Variants in DEUP1 observed in about 807,000 individuals in gnomAD.
DEUP1 encodes the protein deuterosome assembly protein 1, also known as coiled-coil domain containing 67.
Under a neutral mutation model 87.4 loss-of-function variants are expected in DEUP1, and 82 were observed. The ratio of observed to expected loss-of-function variants is 0.94; its 90% CI spans 0.78 to 1.13. The LOEUF (loss-of-function observed/expected upper bound fraction) is 1.13, where lower values mean the gene tolerates loss of function less well. DEUP1 is among the 50% of genes most tolerant of loss of function. The probability of loss-of-function intolerance (pLI) is 0.00; values close to 1 mark genes in which losing one functional copy is unlikely to be tolerated. For missense variants in DEUP1, 663 were observed against 681.5 expected, an observed-to-expected ratio of 0.97 and a Z score of 0.30; for synonymous variants, 214 against 222.7, an observed-to-expected ratio of 0.96 and a Z score of 0.35.
At chr11:93,416,953 G>GAA (rs1467167047) in intron 13 of DEUP1, among the ~76,000 whole-genome samples, 1 of 152,160 alleles carries the variant, frequency 6.6e-6, no homozygotes, top group African/African-American at 2.4e-5. Context: ...AATAGATTCA[G>GAA]AAAAAGCATT....
chr11:93,433,843 C>G (rs1948167140), intron 13 of DEUP1, among the ~76,000 whole-genome samples: 1 of 152,198 alleles, frequency 6.6e-6, no homozygotes, highest in African/African-American at 2.4e-5. Flanking sequence ...AAGCTTGGCA[C>G]ATGAATTGCA....
intron 2 of DEUP1, among the ~76,000 whole-genome samples, chr11:93,339,743 G>A (rs537547320): frequency 3.9e-5 from 6 of 152,250 alleles, no homozygotes; most frequent in Non-Finnish European, 7.4e-5. Context: ...AGGAGGCCAC[G>A]TAGGAAAGAG....
chr11:93,345,219 T>C (rs1944285776), intron 2 of DEUP1, among the ~76,000 whole-genome samples: 1 of 152,212 alleles, frequency 6.6e-6, no homozygotes, highest in Admixed American at 6.5e-5. Context: ...TAGTATTTCA[T>C]GGTATATATG....
chr11:93,363,473 T>C (rs1945275622), intron 4 of DEUP1, among the ~76,000 whole-genome samples: 1 of 151,870 alleles, frequency 6.6e-6, no homozygotes, highest in African/African-American at 2.4e-5. Context: ...TGGAACTTCC[T>C]GTAAACCTAT....
chr11:93,394,931 A>T (rs191786529), intron 10 of DEUP1, among the ~76,000 whole-genome samples: 44 of 151,160 alleles, frequency 2.9e-4, no homozygotes, highest in Non-Finnish European at 2.5e-4. Context: ...CTCCCACAGT[A>T]CACTCTAATC....
chr11:93,382,197 A>C (rs1946333308), intron 7 of DEUP1, among the ~76,000 whole-genome samples: 1 of 152,186 alleles, frequency 6.6e-6, no homozygotes. Flanking sequence ...TTAAAACTAC[A>C]TCTCAGTTAA....
chr11:93,372,015 G>A (rs1945755056), intron 7 of DEUP1, among the ~76,000 whole-genome samples: 1 of 148,344 alleles, frequency 6.7e-6, no homozygotes, highest in Admixed American at 6.8e-5. Flanking sequence ...TGCAAGCTCC[G>A]CCTCCTGGGT....
At chr11:93,339,432 C>T (rs962880665) in intron 2 of DEUP1, among the ~76,000 whole-genome samples, 3 of 152,148 alleles carry the variant, frequency 2.0e-5, no homozygotes, top group African/African-American at 4.8e-5. Context: ...TTATGCTAAT[C>T]TTATAAATCT....
intron 9 of DEUP1, among the ~76,000 whole-genome samples, chr11:93,389,768 T>C (rs897232109): frequency 6.6e-6 from 1 of 152,250 alleles, no homozygotes; most frequent in African/African-American, 2.4e-5. Context: ...GTATCCATAC[T>C]CTTACCCTAA....
chr11:93,437,758 CGCCAAGAA>C lies in DEUP1; in HGVS notation c.*40_*47del. The C allele has an allele frequency of 9.6e-7, 1 of 1,040,078 alleles. No individual in the cohort carries two copies. The highest frequency in any genetic ancestry group is 1.4e-6 in the Non-Finnish European group (1 of 711,690). The allele number at this position is 1,040,078 out of a possible 1,614,324, so 64.4% of individuals were successfully genotyped here. On this transcript the variant is annotated 3_prime_UTR_variant, in exon 14 of 14. Transcript: ENST00000298050. ...TTTATTTGCTTCCCCCCCCCACCCC[CGCCAAGAA>C]AAAAAGCTCTGGCAAAATATTTACA...
intron 5 of DEUP1, 46 bp from the exon 6 acceptor site, chr11:93,370,027 A>G (rs1003571109): frequency 1.0e-6 from 1 of 989,128 alleles, no homozygotes; most frequent in Non-Finnish European, 1.6e-6. Context: ...TGTACTTTAA[A>G]ATGAATAACA....
chr11:93,368,266 C>T (rs1156592070), intron 5 of DEUP1, among the ~76,000 whole-genome samples: 1 of 152,220 alleles, frequency 6.6e-6, no homozygotes, highest in Non-Finnish European at 1.5e-5. Context: ...GCTGCTATAA[C>T]TAAATACCAT....
intron 7 of DEUP1, among the ~76,000 whole-genome samples, chr11:93,374,754 A>C (rs1945945197): frequency 6.6e-6 from 1 of 152,128 alleles, no homozygotes; most frequent in Admixed American, 6.5e-5. Flanking sequence ...TGCTTTAGCT[A>C]TGCAGGCTCT....
chr11:93,380,691 C>T (rs2134306006), intron 7 of DEUP1, among the ~76,000 whole-genome samples: 1 of 152,222 alleles, frequency 6.6e-6, no homozygotes, highest in African/African-American at 2.4e-5. Context: ...GAGTGAGCCA[C>T]CGCGCCCGGC....
At position 93,415,134 on chromosome 11, in the gene DEUP1, C is replaced by G. The variant is rs1241748047; in HGVS notation, c.1638+20C>G. Reference sequence around the variant, plus strand: ...CCACTGGTGAGTTGCTGGTTGTGGGCTTTTTTTTTCTTTAATGGGTTATTG... The same window carrying G: ...CCACTGGTGAGTTGCTGGTTGTGGGGTTTTTTTTTCTTTAATGGGTTATTG... On this transcript the variant is annotated intron_variant, in intron 13 of 13. Transcript: ENST00000298050. 3 of 1,385,902 alleles carry G rather than the reference C, an allele frequency of 2.2e-6. No individual in the cohort carries two copies. In the African/African-American group the frequency reaches 4.3e-5, roughly 20 times the overall value. The allele number at this position is 1,385,902 out of a possible 1,614,324, so 85.9% of individuals were successfully genotyped here. A position where few individuals can be genotyped will look rare whatever the true frequency, so the allele number is the denominator to read the frequency against.
intron 5 of DEUP1, 124 bp downstream of exon 5, chr11:93,364,418 ACTTCT>A: frequency 1.3e-6 from 1 of 782,968 alleles, no homozygotes; most frequent in Non-Finnish European, 2.1e-6. Context: ...TTACAAACTA[ACTTCT>A]CACTGAATAT....
chr11:93,394,933 A>G (rs1359620709), intron 10 of DEUP1, among the ~76,000 whole-genome samples: 3 of 150,318 alleles, frequency 2.0e-5, no homozygotes, highest in African/African-American at 4.9e-5. Flanking sequence ...CCCACAGTAC[A>G]CTCTAATCAA....
At chr11:93,415,910 G>C (rs2134450437) in intron 13 of DEUP1, among the ~76,000 whole-genome samples, 1 of 152,016 alleles carries the variant, frequency 6.6e-6, no homozygotes, top group Admixed American at 6.6e-5. Context: ...ATGGACATTT[G>C]AGTCATTTCC....
intron 4 of DEUP1, among the ~76,000 whole-genome samples, chr11:93,361,869 A>G (rs542787700): frequency 6.6e-6 from 1 of 152,166 alleles, no homozygotes; most frequent in East Asian, 1.9e-4. Flanking sequence ...CACTTCAAAT[A>G]TAACTATATA....
Sources: gnomAD v4.1 joint callset for allele counts (sites outside exome capture counted in the v4.1 genomes callset) on GRCh38, gnomAD v4.1.1 for gene constraint, MANE v1.5 for transcripts, NCBI Gene and HGNC (gene_info 2026-07-23, HGNC 2026-07-21) for gene names.